Variants in ASTN1 observed in about 807,000 individuals in gnomAD.
ASTN1 encodes the protein astrotactin 1, also known as astrotactin-1.
Under a neutral mutation model 140.7 loss-of-function variants are expected in ASTN1, and 41 were observed. That is an observed-to-expected ratio of 0.29 (90% CI 0.23 to 0.38). ASTN1 has a LOEUF of 0.38. Among genes scored for constraint, ASTN1 ranks in the 10% least tolerant of loss-of-function variants. The pLI is 1.00. For missense variants in ASTN1, 1,479 were observed against 1,678.8 expected, an observed-to-expected ratio of 0.88 and a Z score of 2.08; for synonymous variants, 640 against 652.2, an observed-to-expected ratio of 0.98 and a Z score of 0.29.
intron 7 of ASTN1, among the ~76,000 whole-genome samples, chr1:177,019,532 G>A (rs2101948627): frequency 6.6e-6 from 1 of 152,296 alleles, no homozygotes; most frequent in African/African-American, 2.4e-5. Flanking sequence ...CAGAAGATTG[G>A]GAATGGCAGG....
At chr1:177,021,838 A>G (rs1675838805) in intron 7 of ASTN1, among the ~76,000 whole-genome samples, 1 of 152,192 alleles carries the variant, frequency 6.6e-6, no homozygotes, top group Non-Finnish European at 1.5e-5. Flanking sequence ...GAACTAGGGT[A>G]CCAGAGACTA....
At chr1:176,873,374 A>T (rs946333634) in intron 21 of ASTN1, among the ~76,000 whole-genome samples, 1 of 152,206 alleles carries the variant, frequency 6.6e-6, no homozygotes, top group South Asian at 2.1e-4. Context: ...TCAGCAAAAC[A>T]TCGGTAGAAA....
intron 8 of ASTN1, among the ~76,000 whole-genome samples, chr1:176,972,178 T>G (rs529370018): frequency 6.6e-6 from 1 of 152,340 alleles, no homozygotes; most frequent in African/African-American, 2.4e-5. Flanking sequence ...ATGGGAACAC[T>G]GTTGTACATG....
At chr1:176,926,010 T>A (rs927732977) in intron 16 of ASTN1, among the ~76,000 whole-genome samples, 1 of 152,050 alleles carries the variant, frequency 6.6e-6, no homozygotes, top group Non-Finnish European at 1.5e-5. Context: ...GGTTTCACCG[T>A]GTTAGCCAGG....
intron 2 of ASTN1, among the ~76,000 whole-genome samples, chr1:177,047,788 T>C (rs1677316295): frequency 6.6e-6 from 1 of 152,146 alleles, no homozygotes; most frequent in African/African-American, 2.4e-5. Flanking sequence ...ATAAGGACAG[T>C]GAGTCTGCAG....
intron 16 of ASTN1, among the ~76,000 whole-genome samples, chr1:176,896,953 T>C (rs1049708988): frequency 6.6e-6 from 1 of 152,148 alleles, no homozygotes; most frequent in Non-Finnish European, 1.5e-5. Context: ...AACCCAGTGC[T>C]TTTTTGTCAG....
downstream of ASTN1, chr1:176,857,790 G>A: frequency 5.0e-6 from 2 of 403,264 alleles, no homozygotes; most frequent in East Asian, 7.1e-5. Flanking sequence ...GTGCTTTACT[G>A]TTATTTTCAG....
chr1:176,993,641 C>T (rs1674294822), intron 8 of ASTN1, among the ~76,000 whole-genome samples: 1 of 152,174 alleles, frequency 6.6e-6, no homozygotes, highest in African/African-American at 2.4e-5. Flanking sequence ...AGTGGAGACT[C>T]TATTAGCTTG....
At chr1:176,958,314 T>C (rs1469228577) in intron 10 of ASTN1, 31 bp downstream of exon 10, 14 of 1,612,380 alleles carry the variant, frequency 8.7e-6, no homozygotes, top group Admixed American at 3.3e-5. Context: ...CCCAAGCCAA[T>C]TGCAGGCCTC....
At chr1:177,091,896 T>C (rs1043386724) in intron 1 of ASTN1, among the ~76,000 whole-genome samples, 1 of 152,176 alleles carries the variant, frequency 6.6e-6, no homozygotes, top group South Asian at 2.1e-4. Context: ...TAATACATTG[T>C]GTTGATATAA....
In ASTN1 at chr1:177,024,782, G is replaced by A. The variant is rs756510464; in HGVS notation, c.1121-50C>T. 13 of 1,585,518 alleles carry A rather than the reference G, an allele frequency of 8.2e-6. No individual in the cohort carries two copies. The East Asian group carries it at 2.9e-4, about 36-fold the overall frequency. On this transcript the variant is annotated intron_variant, in intron 5 of 22. Coordinates refer to ENST00000361833, the MANE Select transcript of ASTN1 (RefSeq NM_004319.3). ...ACATGGTGGTAAAAAGCTTGGCATTGAGAGTCCAACTTGGCTTTTTGCCAA... is the reference window on the plus strand; with the variant it reads ...ACATGGTGGTAAAAAGCTTGGCATTAAGAGTCCAACTTGGCTTTTTGCCAA...
intron 1 of ASTN1, among the ~76,000 whole-genome samples, chr1:177,086,574 A>G (rs1299000106): frequency 6.6e-5 from 10 of 152,238 alleles, no homozygotes; most frequent in Admixed American, 6.5e-4. Context: ...GTAATACTAA[A>G]TGCCAAAAAC....
rs1014306816 is a variant in ASTN1, at chr1:176,991,352, G to T, written c.1523+23439C>A. The stretch of plus-strand genomic sequence containing the variant: ...CGCTTGAACCTGGGAGGCGAAGGTT[G>T]CAGTGAGCCGAGATCATGCCATTGC... On this transcript the variant is annotated intron_variant, in intron 8 of 22. Coordinates refer to ENST00000361833, the MANE Select transcript of ASTN1 (RefSeq NM_004319.3). 4.1e-5 allele frequency among the ~76,000 whole-genome samples: 6 copies of T among 146,584 alleles called. No individual in the cohort carries two copies. The South Asian group carries it at 1.1e-3, about 27-fold the overall frequency.
At chr1:176,924,774 A>ATG (rs1434542638) in intron 16 of ASTN1, among the ~76,000 whole-genome samples, 2 of 152,206 alleles carry the variant, frequency 1.3e-5, no homozygotes, top group African/African-American at 4.8e-5. Context: ...TAGAGACAAT[A>ATG]TGTTACTATT....
intron 22 of ASTN1, 123 bp from the exon 23 acceptor site, chr1:176,864,644 T>C (rs1315334239): frequency 1.4e-6 from 2 of 1,404,972 alleles, no homozygotes; most frequent in African/African-American, 2.9e-5. Flanking sequence ...TTGCTCCCTA[T>C]TTTATCTTTG....
At chr1:177,031,242 C>T (rs536131184) in intron 3 of ASTN1, among the ~76,000 whole-genome samples, 15 of 152,150 alleles carry the variant, frequency 9.9e-5, no homozygotes, top group African/African-American at 3.6e-4. Context: ...CACTTGTAAC[C>T]CTTTGGCTAA....
chr1:176,883,063 C>A, intron 19 of ASTN1, 69 bp from the exon 20 acceptor site: 1 of 1,581,862 alleles, frequency 6.3e-7, no homozygotes, highest in Non-Finnish European at 8.7e-7. Flanking sequence ...GAGATGGAGT[C>A]AACTCAATGA....
intron 14 of ASTN1, among the ~76,000 whole-genome samples, chr1:176,943,451 C>T (rs1207750212): frequency 6.6e-5 from 10 of 152,088 alleles, no homozygotes; most frequent in Admixed American, 5.9e-4. Flanking sequence ...AACCCAGGGT[C>T]ATGTGACAAC....
chr1:177,121,433 CT>C lies in ASTN1; in HGVS notation c.283+42960del, dbSNP rs538121447. 3.3e-5 allele frequency among the ~76,000 whole-genome samples: 5 copies of C among 152,158 alleles called. No homozygotes were observed. In the South Asian group the frequency reaches 1.0e-3, roughly 32 times the overall value. ...GACATCAGACAGACCTGGGTTTTCA[CT>C]ATCAGTTCTGCTCCTTGAGGGCTAT... On this transcript the variant is annotated intron_variant, in intron 1 of 22. Transcript: ENST00000361833.
Sources: allele counts gnomAD v4.1 joint callset (sites outside exome capture counted in the v4.1 genomes callset), GRCh38; gene constraint gnomAD v4.1.1; transcripts MANE v1.5; gene names NCBI Gene and HGNC (gene_info 2026-07-23, HGNC 2026-07-21).